Variants in PSPH observed in about 807,000 individuals in gnomAD.
PSPH encodes the protein phosphoserine phosphatase.
PSPH carries 16 observed loss-of-function variants against 23.4 expected under a neutral mutation model. That is an observed-to-expected ratio of 0.68 (90% CI 0.46 to 1.04). The LOEUF is 1.04. Ranked by LOEUF, PSPH falls within the 50% of genes least tolerant of loss-of-function variation. The pLI, the probability that PSPH is intolerant of heterozygous loss-of-function variation, is 0.00. For missense variants in PSPH, 223 were observed against 273.7 expected, an observed-to-expected ratio of 0.81 and a Z score of 1.31; for synonymous variants, 68 against 99.7, an observed-to-expected ratio of 0.68 and a Z score of 1.89.
rs764393483 is a variant in PSPH at position 56,019,588 on chromosome 7, G to A, written c.275+12C>T. 8.1e-6 allele frequency: 13 copies of A among 1,613,196 alleles called. No individual in the cohort carries two copies. Among genetic ancestry groups the A allele is most frequent in the Non-Finnish European group, 1.1e-5 (13 of 1,179,782 alleles). On this transcript the variant is annotated intron_variant, in intron 5 of 7. Coordinates refer to ENST00000275605, the MANE Select transcript of PSPH (RefSeq NM_004577.4). ...GGTGCTGAAATACACCTGGAGCCGG[G>A]GTTCCTCTTACCTTATGCCGGGGGT...
Position 56,011,401 on chromosome 7 carries a change from T to C in PSPH, c.*361A>G, listed in dbSNP as rs4947534. On this transcript the variant is annotated 3_prime_UTR_variant, in exon 8 of 8. Coordinates refer to ENST00000275605, the MANE Select transcript of PSPH (RefSeq NM_004577.4). ...AAAATTAGCCGGATGTGGTGGCGGG[T>C]GCCTGTAGTCCCAGCTACTCGGGAG... is the stretch of plus-strand genomic sequence containing the variant. The C allele has an allele frequency of 0.71, 112,508 of 159,234 alleles. 40,135 individuals are homozygous for C. Among genetic ancestry groups the C allele is most frequent in the Non-Finnish European group, 0.76 (55,007 of 72,844 alleles). The allele number at this position is 159,234 out of a possible 1,614,324, so 9.9% of individuals were successfully genotyped here.
At chr7:56,017,674 C>G (rs1403186313) in intron 5 of PSPH, among the ~76,000 whole-genome samples, 1 of 147,182 alleles carries the variant, frequency 6.8e-6, no homozygotes, top group Non-Finnish European at 1.5e-5. Flanking sequence ...TTCAGCCTCA[C>G]AGGTAGCTGG....
intron 7 of PSPH, among the ~76,000 whole-genome samples, chr7:56,012,284 T>C (rs777600913): frequency 4.6e-5 from 7 of 152,252 alleles, no homozygotes; most frequent in Non-Finnish European, 1.0e-4. Flanking sequence ...CTTGAACTTC[T>C]GGGCTCAAGT....
chr7:56,014,988 C>A, intron 7 of PSPH, 35 bp downstream of exon 7: 18 of 1,569,414 alleles, frequency 1.1e-5, no homozygotes, highest in South Asian at 2.5e-5. Context: ...AACAAAAGTA[C>A]AACCTGAAAA....
intron 1 of PSPH, among the ~76,000 whole-genome samples, chr7:56,047,908 C>T (rs4948103): frequency 0.18 from 27,492 of 152,036 alleles, 2,636 homozygotes; most frequent in African/African-American, 0.22. Context: ...CCTCACGATC[C>T]GCCGGCCTTG....
intron 6 of PSPH, among the ~76,000 whole-genome samples, chr7:56,016,542 A>G (rs1788586902): frequency 6.6e-6 from 1 of 151,790 alleles, no homozygotes; most frequent in African/African-American, 2.4e-5. Flanking sequence ...TCAGTAATCC[A>G]TTAACAAAAG....
At chr7:56,050,410 C>T (rs1406256517) in intron 1 of PSPH, among the ~76,000 whole-genome samples, 4 of 152,156 alleles carry the variant, frequency 2.6e-5, no homozygotes, top group Non-Finnish European at 4.4e-5. Flanking sequence ...GGATCACAGA[C>T]GTGCACCACC....
rs891785583 is a variant in PSPH at position 56,017,467 on chromosome 7, C to T, written c.276-88G>A. The T allele has an allele frequency of 4.3e-5, 66 of 1,549,276 alleles. No individual in the cohort carries two copies. In the African/African-American group the frequency reaches 5.9e-4, roughly 14 times the overall value. On this transcript the variant is annotated intron_variant, in intron 5 of 7. Transcript: ENST00000275605. The stretch of plus-strand genomic sequence containing the variant: ...GAAACATGAAGAGGGAAATAAGATA[C>T]ATTTTCTTCTCCTGAATGCATTTGC...
intron 1 of PSPH, among the ~76,000 whole-genome samples, chr7:56,042,985 T>C (rs1792750755): frequency 6.6e-6 from 1 of 152,122 alleles, no homozygotes; most frequent in African/African-American, 2.4e-5. Context: ...AAATGATAGT[T>C]GGCGGGGTGC....
chr7:56,024,324 A>T (rs1030269665), intron 3 of PSPH, among the ~76,000 whole-genome samples: 1 of 150,318 alleles, frequency 6.7e-6, no homozygotes, highest in African/African-American at 2.5e-5. Context: ...TGAACCTTCC[A>T]TCATGGCCTC....
chr7:56,019,331 C>T (rs919248456), intron 5 of PSPH, among the ~76,000 whole-genome samples: 6 of 150,278 alleles, frequency 4.0e-5, no homozygotes, highest in South Asian at 4.2e-4. Flanking sequence ...CCCATCTACT[C>T]GGGAGGCTGA....
Position 56,034,043 on chromosome 7 carries a change from G to C in PSPH, c.-228C>G, listed in dbSNP as rs886062391. 1 of 152,724 alleles carries C rather than the reference G, an allele frequency of 6.5e-6. No individual in the cohort carries two copies. Among genetic ancestry groups the C allele is most frequent in the Non-Finnish European group, 1.5e-5 (1 of 68,458 alleles). 9.5% of individuals were successfully genotyped at this position (152,724 alleles called of 1,614,324 possible). A position where few individuals can be genotyped will look rare whatever the true frequency, so the allele number is the denominator to read the frequency against. On this transcript the variant is annotated 5_prime_UTR_variant, in exon 2 of 8. Transcript: ENST00000275605. ...AGCGCCGGCTCCGACGCTCGGGCGAGCAGTTCCCAGGGAGGTGAGCTGTGC... is the reference window on the plus strand; with the variant it reads ...AGCGCCGGCTCCGACGCTCGGGCGACCAGTTCCCAGGGAGGTGAGCTGTGC...
At chr7:56,017,123 C>G in intron 6 of PSPH, 111 bp downstream of exon 6, 2 of 1,542,940 alleles carry the variant, frequency 1.3e-6, no homozygotes, top group Non-Finnish European at 8.9e-7. Context: ...AACCATTCAT[C>G]TCAATATTTA....
chr7:56,018,293 G>A (rs900757435), intron 5 of PSPH, among the ~76,000 whole-genome samples: 3 of 151,984 alleles, frequency 2.0e-5, no homozygotes, highest in African/African-American at 4.8e-5. Context: ...GCAGTGAGCC[G>A]AGACTGCACC....
rs60352212 is a variant in PSPH, at chr7:56,039,365, C to T, written c.-291-5259G>A. 7.2e-3 allele frequency among the ~76,000 whole-genome samples: 1,101 copies of T among 152,142 alleles called. 11 individuals are homozygous for T. Among genetic ancestry groups the T allele is most frequent in the African/African-American group, 0.025 (1,024 of 41,524 alleles). ...GATTGAGAAAAGGTATGTAGTTAATCAATGATATTATAATAATTTTCCTTT... is the reference window on the plus strand; with the variant it reads ...GATTGAGAAAAGGTATGTAGTTAATTAATGATATTATAATAATTTTCCTTT... On this transcript the variant is annotated intron_variant, in intron 1 of 7. Transcript: ENST00000275605.
At chr7:56,025,752 T>A (rs146655596) in intron 3 of PSPH, among the ~76,000 whole-genome samples, 1,618 of 152,154 alleles carry the variant, frequency 0.011, 31 homozygotes, top group African/African-American at 0.036. Flanking sequence ...TGCCACCACA[T>A]CCAGCTAATT....
chr7:56,023,076 A>G (rs1789689178), intron 3 of PSPH, among the ~76,000 whole-genome samples: 1 of 152,046 alleles, frequency 6.6e-6, no homozygotes. Flanking sequence ...AGAAAAAATC[A>G]TAAAAATAAA....
intron 3 of PSPH, among the ~76,000 whole-genome samples, chr7:56,023,768 G>A (rs979399536): frequency 2.0e-5 from 3 of 152,046 alleles, no homozygotes; most frequent in Non-Finnish European, 4.4e-5. Flanking sequence ...AACCAATGCA[G>A]TTGGCAGAAT....
intron 2 of PSPH, among the ~76,000 whole-genome samples, 159 bp downstream of exon 2, chr7:56,033,802 A>C (rs758855172): frequency 7.2e-5 from 11 of 152,196 alleles, no homozygotes; most frequent in Non-Finnish European, 1.3e-4. Context: ...AAGCTACCCA[A>C]AAAATAAATC....
Sources: gnomAD v4.1 joint callset for allele counts (sites outside exome capture counted in the v4.1 genomes callset) on GRCh38, gnomAD v4.1.1 for gene constraint, MANE v1.5 for transcripts, NCBI Gene and HGNC (gene_info 2026-07-23, HGNC 2026-07-21) for gene names.